Variants in GLI2 observed in about 807,000 individuals in gnomAD.
GLI2 encodes the protein GLI family zinc finger 2.
GLI2 carries 22 observed loss-of-function variants against 78.9 expected under a neutral mutation model. That is an observed-to-expected ratio of 0.28 (90% CI 0.20 to 0.40). GLI2 has a LOEUF of 0.40. Among genes scored for constraint, GLI2 ranks in the 10% least tolerant of loss-of-function variants. GLI2 has a pLI of 1.00. For missense variants in GLI2, 2,097 were observed against 2,213.2 expected, an observed-to-expected ratio of 0.95 and a Z score of 1.05; for synonymous variants, 974 against 963.7, an observed-to-expected ratio of 1.01 and a Z score of -0.20.
chr2:120,892,118 G>A (rs1280062807), intron 2 of GLI2, among the ~76,000 whole-genome samples: 3 of 152,082 alleles, frequency 2.0e-5, no homozygotes, highest in African/African-American at 4.8e-5. Flanking sequence ...TCCCATTGTC[G>A]GGCCCCCATC....
In GLI2 at chr2:120,894,029, C is replaced by T. The variant is rs144470936; in HGVS notation, c.149-33332C>T. Reference sequence around the variant, plus strand: ...GAATAAACTCGCTTTCTTCCCAGCCCGCTGCATGTTAATCAATGCCGAAGG... The same window carrying T: ...GAATAAACTCGCTTTCTTCCCAGCCTGCTGCATGTTAATCAATGCCGAAGG... On this transcript the variant is annotated intron_variant, in intron 2 of 13. Transcript: ENST00000361492. 2.8e-3 allele frequency among the ~76,000 whole-genome samples: 420 copies of T among 152,324 alleles called. 2 individuals carry two copies. Among genetic ancestry groups the T allele is most frequent in the African/African-American group, 9.8e-3 (408 of 41,576 alleles).
intron 4 of GLI2, among the ~76,000 whole-genome samples, chr2:120,952,725 C>T (rs1377799320): frequency 1.3e-5 from 2 of 152,228 alleles, no homozygotes; most frequent in Non-Finnish European, 2.9e-5. Flanking sequence ...CCCTGTGTGG[C>T]CTTGACCAAG....
At chr2:120,801,613 A>G (rs578135281) in intron 2 of GLI2, among the ~76,000 whole-genome samples, 1 of 152,362 alleles carries the variant, frequency 6.6e-6, no homozygotes, top group African/African-American at 2.4e-5. Flanking sequence ...ATTAAGTGGG[A>G]TAAAAAGAAG....
rs1683191607 is a variant in GLI2, at chr2:120,989,699, C to T, written c.3734C>T (p.Ala1245Val). ...CTGAGCCCCAGCACCATCAGTGGGG[C>T]CCTCAACCAGTTCCCCCAATCCTGC... ...PQLSPSTISG[A>V]LNQFPQSCSN... Residue 1245 changes from alanine to valine, a missense_variant, in exon 14 of 14, where the codon GCC becomes GTC. Transcript: ENST00000361492. 1 of 1,613,266 alleles carries T rather than the reference C, an allele frequency of 6.2e-7. No individual in the cohort carries two copies. The highest frequency in any genetic ancestry group is 8.5e-7 in the Non-Finnish European group (1 of 1,179,956).
intron 4 of GLI2, among the ~76,000 whole-genome samples, chr2:120,954,355 G>A (rs1233080355): frequency 6.6e-6 from 1 of 152,170 alleles, no homozygotes; most frequent in Middle Eastern, 3.2e-3. Flanking sequence ...CAGAGGCTGT[G>A]GGCGATCAGC....
chr2:120,829,368 C>T (rs1366984201), intron 2 of GLI2, among the ~76,000 whole-genome samples: 1 of 152,194 alleles, frequency 6.6e-6, no homozygotes, highest in Non-Finnish European at 1.5e-5. Flanking sequence ...TAATGTCTTT[C>T]TGAGGCTGAC....
At chr2:120,882,508 G>A (rs1677201106) in intron 2 of GLI2, among the ~76,000 whole-genome samples, 1 of 152,268 alleles carries the variant, frequency 6.6e-6, no homozygotes, top group Non-Finnish European at 1.5e-5. Context: ...GCAGATGGAG[G>A]GAAGGTCAAG....
chr2:120,968,049 C>T (rs929602909), intron 5 of GLI2, among the ~76,000 whole-genome samples: 4 of 152,208 alleles, frequency 2.6e-5, no homozygotes, highest in African/African-American at 9.7e-5. Context: ...CACTTACTTC[C>T]ATTCCCTCTC....
At chr2:120,779,532 G>C (rs970045967) in intron 1 of GLI2, among the ~76,000 whole-genome samples, 5 of 152,220 alleles carry the variant, frequency 3.3e-5, no homozygotes, top group Non-Finnish European at 7.3e-5. Flanking sequence ...CGGTAACATG[G>C]CCCAAGAGTT....
intron 5 of GLI2, among the ~76,000 whole-genome samples, chr2:120,962,798 C>T (rs13422337): frequency 0.037 from 5,583 of 152,246 alleles, 132 homozygotes; most frequent in Middle Eastern, 0.051. Flanking sequence ...TGGCCTGTTT[C>T]CTCTTGTTAG....
chr2:120,771,636 G>A lies in GLI2; in HGVS notation c.-30-25655G>A, dbSNP rs376423455. On this transcript the variant is annotated intron_variant, in intron 1 of 13. Transcript: ENST00000361492. ...CGGGAGGCTGTGAGTCATTGGGCTG[G>A]AGCCCAGAGCTGTCTTAGGGGGCCT... Among the ~76,000 whole-genome samples, 18 of 152,362 alleles carry A rather than the reference G, an allele frequency of 1.2e-4. No individual in the cohort carries two copies. In the East Asian group the frequency reaches 3.3e-3, roughly 28 times the overall value.
chr2:120,925,205 A>C (rs1456167868), intron 2 of GLI2, among the ~76,000 whole-genome samples: 1 of 152,230 alleles, frequency 6.6e-6, no homozygotes, highest in African/African-American at 2.4e-5. Flanking sequence ...GGCTTGGACC[A>C]CGTGCCTGCA....
At chr2:120,768,452 G>T (rs1306455779) in intron 1 of GLI2, among the ~76,000 whole-genome samples, 6 of 152,234 alleles carry the variant, frequency 3.9e-5, no homozygotes, top group African/African-American at 1.4e-4. Context: ...CCTGCAGGCT[G>T]AGAGCAGGTG....
Position 120,990,700 on chromosome 2 carries a change from GCACC to G in GLI2, c.*27_*30del, listed in dbSNP as rs1343127403. The G allele has an allele frequency of 4.4e-6, 7 of 1,595,384 alleles. No homozygotes were observed. The highest frequency in any genetic ancestry group is 6.0e-6 in the Non-Finnish European group (7 of 1,168,076). ...GAGGCCCGAGCGCCTGGTGCTGAGTGCACCCGGAGGGGTCATCGCTGCCCAGAGC... is the reference window on the plus strand; with the variant it reads ...GAGGCCCGAGCGCCTGGTGCTGAGTGCGGAGGGGTCATCGCTGCCCAGAGC... On this transcript the variant is annotated 3_prime_UTR_variant, in exon 14 of 14. Transcript: ENST00000361492.
chr2:120,885,354 G>T (rs1677345983), intron 2 of GLI2, among the ~76,000 whole-genome samples: 1 of 152,216 alleles, frequency 6.6e-6, no homozygotes, highest in African/African-American at 2.4e-5. Flanking sequence ...ACTGGGCTTT[G>T]TAAATGGCCC....
At chr2:120,836,313 T>A (rs1251931949) in intron 2 of GLI2, among the ~76,000 whole-genome samples, 1 of 152,198 alleles carries the variant, frequency 6.6e-6, no homozygotes, top group Non-Finnish European at 1.5e-5. Context: ...TTGATTAAGA[T>A]GTTATCTTAT....
chr2:120,813,551 G>A (rs1370982204), intron 2 of GLI2, among the ~76,000 whole-genome samples: 7 of 152,190 alleles, frequency 4.6e-5, no homozygotes, highest in Admixed American at 1.3e-4. Context: ...TTGCAGCTGC[G>A]TGACTGCCCG....
At chr2:120,818,479 C>T (rs993531137) in intron 2 of GLI2, among the ~76,000 whole-genome samples, 1 of 152,220 alleles carries the variant, frequency 6.6e-6, no homozygotes, top group African/African-American at 2.4e-5. Context: ...AAGGACTGAA[C>T]CACACAAGGC....
At chr2:120,891,667 A>G (rs10173252) in intron 2 of GLI2, among the ~76,000 whole-genome samples, 35,067 of 152,012 alleles carry the variant, frequency 0.23, 6,379 homozygotes, top group African/African-American at 0.51. Context: ...GCTTATGGGC[A>G]CCTCTCCTCT....
Sources: allele counts gnomAD v4.1 joint callset (sites outside exome capture counted in the v4.1 genomes callset), GRCh38; gene constraint gnomAD v4.1.1; transcripts MANE v1.5; gene names NCBI Gene and HGNC (gene_info 2026-07-23, HGNC 2026-07-21).